CUBN: variants seen among roughly 807,000 people sequenced by gnomAD.
The protein encoded by CUBN is cubilin.
CUBN carries 282 observed loss-of-function variants against 405.3 expected under a neutral mutation model. The ratio of observed to expected loss-of-function variants is 0.70; its 90% CI spans 0.63 to 0.77. The LOEUF (loss-of-function observed/expected upper bound fraction) is 0.77. Ranked by LOEUF, CUBN falls within the 30% of genes least tolerant of loss-of-function variation. CUBN has a pLI of 0.00. For missense variants in CUBN, 4,514 were observed against 4,475.2 expected (o/e 1.01, Z -0.25); for synonymous variants, 1,684 against 1,617.0 (o/e 1.04, Z -0.99).
chr10:16,848,563 A>G (rs1223079371), intron 60 of CUBN, among the ~76,000 whole-genome samples: 1 of 152,172 alleles, frequency 6.6e-6, no homozygotes, highest in East Asian at 1.9e-4. Flanking sequence ...TCTGACAGCA[A>G]AATTGGGTTA....
In CUBN at chr10:17,019,970, G is replaced by T; in HGVS notation, c.4031C>A (p.Pro1344Gln). Residue 1344 changes from proline (P) to glutamine (Q), a missense_variant, in exon 28 of 67, where the codon CCA becomes CAA. Transcript: ENST00000377833. ...STDYLELYDG[P>Q]RQMGRYCGVD... Reference sequence around the variant, plus strand: ...TCCACAGTAGCGTCCCATCTGCCGTGGTCCATCATAGAGCTGAAATTGAAG... The same window carrying T: ...TCCACAGTAGCGTCCCATCTGCCGTTGTCCATCATAGAGCTGAAATTGAAG... 4.3e-6 allele frequency: 7 copies of T among 1,614,028 alleles called. No individual in the cohort carries two copies. The Middle Eastern group carries it at 9.9e-4, about 228-fold the overall frequency.
intron 51 of CUBN, among the ~76,000 whole-genome samples, chr10:16,902,910 A>G (rs1027829074): frequency 9.2e-5 from 14 of 152,172 alleles, no homozygotes; most frequent in South Asian, 2.1e-4. Context: ...GACTTTTACA[A>G]GAAGTTGGGA....
chr10:17,070,351 C>T (rs1835711155), intron 19 of CUBN, among the ~76,000 whole-genome samples: 1 of 152,044 alleles, frequency 6.6e-6, no homozygotes, highest in Non-Finnish European at 1.5e-5. Context: ...TATTCTGGTT[C>T]CCTTGCATAT....
At chr10:16,839,737 A>C (rs1266895980) in intron 62 of CUBN, among the ~76,000 whole-genome samples, 1 of 150,208 alleles carries the variant, frequency 6.7e-6, no homozygotes, top group African/African-American at 2.4e-5. Flanking sequence ...AAGGATTATA[A>C]ATCATGCTGC....
chr10:17,071,546 C>A lies in CUBN; in HGVS notation c.2505G>T (p.Val835=). The change falls in exon 19 of 67, where the codon GTG becomes GTT. Residue 835 remains valine, a synonymous_variant. Coordinates refer to ENST00000377833, the MANE Select transcript of CUBN (RefSeq NM_001081.4). ...GVIRSPFFPN[V]YPGERTCRWT... ...ACCTACAGGTTCTTTCTCCAGGATA[C>A]ACGTTAGGAAAAAAAGGCGAGCGAA... 1 of 1,613,912 alleles carries A rather than the reference C, an allele frequency of 6.2e-7. No homozygotes were observed. Among genetic ancestry groups the A allele is most frequent in the Non-Finnish European group, 8.5e-7 (1 of 1,179,924 alleles).
chr10:16,910,852 C>T (rs1000732020), intron 48 of CUBN, among the ~76,000 whole-genome samples: 3 of 151,680 alleles, frequency 2.0e-5, no homozygotes, highest in Non-Finnish European at 2.9e-5. Flanking sequence ...TCAGGTATAC[C>T]ATTTTTCAAA....
In CUBN at chr10:16,876,924, C is replaced by T. The variant is rs150202444; in HGVS notation, c.9079G>A (p.Gly3027Arg). Residue 3027 changes from glycine (G) to arginine (R), a missense_variant, in exon 57 of 67, where the codon GGA becomes AGA. This residue lies in a region of CUBN where 1,186 missense variants were observed against 1,186.9 expected (regional missense o/e 1.00). Transcript: ENST00000377833. ...FYSNEQITDF[G>R]FKFSYRIISC... ...ATTATCCTATAGGAAAACTTGAATC[C>T]GAAGTCTGTGATTTGCTCGTTGGAG... The T allele has an allele frequency of 3.1e-4, 498 of 1,614,066 alleles. No individual in the cohort carries two copies. The highest frequency in any genetic ancestry group is 4.0e-4 in the Non-Finnish European group (473 of 1,179,992).
At position 17,019,852 on chromosome 10, in the gene CUBN, C is replaced by A; in HGVS notation, c.4149G>T (p.Gln1383His). 1 of 1,614,142 alleles carries A rather than the reference C, an allele frequency of 6.2e-7. No individual in the cohort carries two copies. Among genetic ancestry groups the A allele is most frequent in the South Asian group, 1.1e-5 (1 of 91,076 alleles). The change falls in exon 28 of 67, where the codon CAG becomes CAT. Residue 1383 changes from glutamine to histidine, a missense_variant. Physicochemically the swap from Gln to His is conservative, Grantham distance 24 (BLOSUM62 0). This residue lies in a region of CUBN where 242 missense variants were observed against 309.0 expected (regional missense o/e 0.78). Transcript: ENST00000377833. ...GCTTACCGTAAACAAACCACTGCAT[C>A]TGAAATCCTTTCTCACGGCGGCCAA... ...DGVGRREKGF[Q>H]MQWFVYGCGG...
intron 28 of CUBN, among the ~76,000 whole-genome samples, chr10:17,016,307 T>A (rs1564479972): frequency 2.0e-5 from 3 of 152,150 alleles, no homozygotes; most frequent in Non-Finnish European, 4.4e-5. Context: ...GTCCCCATAA[T>A]CTGAGTCGAG....
chr10:16,869,588 G>T, intron 59 of CUBN, 48 bp downstream of exon 59: 3 of 1,301,600 alleles, frequency 2.3e-6, no homozygotes, highest in Non-Finnish European at 3.3e-6. Context: ...AAATAAAGCA[G>T]AAAGGTAACA....
At chr10:17,106,370 G>A (rs1465536538) in intron 10 of CUBN, among the ~76,000 whole-genome samples, 2 of 151,692 alleles carry the variant, frequency 1.3e-5, no homozygotes, top group African/African-American at 4.8e-5. Context: ...GGGAGGCCGA[G>A]GCAGGCGGAT....
intron 58 of CUBN, among the ~76,000 whole-genome samples, chr10:16,873,586 G>A (rs992951439): frequency 6.6e-6 from 1 of 151,972 alleles, no homozygotes; most frequent in Non-Finnish European, 1.5e-5. Context: ...GCAGGGCATG[G>A]TGGCGCCTGC....
intron 28 of CUBN, among the ~76,000 whole-genome samples, chr10:17,016,649 C>T (rs527996231): frequency 5.9e-5 from 9 of 152,204 alleles, no homozygotes; most frequent in African/African-American, 1.9e-4. Flanking sequence ...GCCAAATTCT[C>T]CTTCCCCTAC....
intron 22 of CUBN, among the ~76,000 whole-genome samples, chr10:17,050,502 A>G (rs774806253): frequency 3.3e-5 from 5 of 152,214 alleles, no homozygotes; most frequent in Non-Finnish European, 7.3e-5. Flanking sequence ...AGAAGTATAT[A>G]GAGAGGAAAG....
chr10:16,943,781 C>T (rs1842716221), intron 36 of CUBN, among the ~76,000 whole-genome samples: 1 of 152,218 alleles, frequency 6.6e-6, no homozygotes, highest in Non-Finnish European at 1.5e-5. Context: ...TCAACATGCA[C>T]ATTAGCATTC....
At chr10:16,829,829 GT>G (rs946288711) in intron 65 of CUBN, among the ~76,000 whole-genome samples, 3 of 148,058 alleles carry the variant, frequency 2.0e-5, no homozygotes, top group Non-Finnish European at 3.0e-5. Context: ...TGTTTGGTTG[GT>G]TTTTTTTTTG....
At chr10:16,970,484 G>A (rs530604970) in intron 31 of CUBN, among the ~76,000 whole-genome samples, 3 of 151,316 alleles carry the variant, frequency 2.0e-5, no homozygotes, top group African/African-American at 4.9e-5. Flanking sequence ...GCTGAGGCAG[G>A]AGAATTGCTT....
Position 16,828,826 on chromosome 10 carries a change from G to C in CUBN, c.10743C>G (p.Ser3581=). The stretch of plus-strand genomic sequence containing the variant: ...TCACGCCTCCGCAGTATGGTCCAGA[G>C]GATGGAGAGCTGGCGTTGGGCCCAT... ...LYDGPNASSP[S]SGPYCGGDTS... is the part of the protein sequence containing the mutation. The change falls in exon 66 of 67, where the codon TCC becomes TCG. Residue 3581 remains serine, a synonymous_variant. Coordinates refer to ENST00000377833, the MANE Select transcript of CUBN (RefSeq NM_001081.4). 1 of 1,613,170 alleles carries C rather than the reference G, an allele frequency of 6.2e-7. No individual in the cohort carries two copies. Among genetic ancestry groups the C allele is most frequent in the Non-Finnish European group, 8.5e-7 (1 of 1,179,070 alleles).
In CUBN at chr10:17,041,187, T is replaced by G; in HGVS notation, c.3863A>C (p.Tyr1288Ser). The G allele has an allele frequency of 6.2e-7, 1 of 1,613,742 alleles. No individual in the cohort carries two copies. The highest frequency in any genetic ancestry group is 8.5e-7 in the Non-Finnish European group (1 of 1,179,714). ...CENVVIVNQTYGILESIGYPN... is the reference protein window; with the variant it reads ...CENVVIVNQTSGILESIGYPN... The stretch of plus-strand genomic sequence containing the variant: ...ATACCCTATACTCTCTAAGATGCCA[T>G]AGGTTTGATTGACTATTACCACATT... Residue 1288 changes from tyrosine to serine, a missense_variant, in exon 27 of 67, where the codon TAT becomes TCT. By Grantham distance (144) the Tyr-to-Ser change is moderately radical. Around this residue, in one of 5 missense-constraint regions of CUBN, gnomAD observed 242 missense variants for 309.0 expected, o/e 0.78. Transcript: ENST00000377833.
Sources: allele counts gnomAD v4.1 joint callset (sites outside exome capture counted in the v4.1 genomes callset), GRCh38; gene constraint gnomAD v4.1.1; regional missense constraint gnomAD v4.1.1; transcripts MANE v1.5; gene names NCBI Gene and HGNC (gene_info 2026-07-23, HGNC 2026-07-21).